CEACAM21: variants seen among roughly 807,000 people sequenced by gnomAD.
CEACAM21 encodes the protein CEA cell adhesion molecule 21.
Under a neutral mutation model 33.2 loss-of-function variants are expected in CEACAM21, and 38 were observed. The ratio of observed to expected loss-of-function variants is 1.14; its 90% CI spans 0.88 to 1.50. CEACAM21 has a LOEUF of 1.50. Among genes scored for constraint, CEACAM21 ranks in the 40% most tolerant of loss-of-function variants. CEACAM21 has a pLI of 0.00. For missense variants in CEACAM21, 385 were observed against 364.6 expected (o/e 1.06, Z -0.46); for synonymous variants, 156 against 143.0 (o/e 1.09, Z -0.65).
intron 3 of CEACAM21, among the ~76,000 whole-genome samples, chr19:41,582,057 C>T (rs1600278295): frequency 6.6e-6 from 1 of 152,342 alleles, no homozygotes; most frequent in East Asian, 1.9e-4. Flanking sequence ...TTAGTTACTT[C>T]CTAGATATAA....
intron 5 of CEACAM21, 148 bp from the exon 6 acceptor site, chr19:41,585,692 C>T (rs1377825338): frequency 2.0e-6 from 2 of 1,022,924 alleles, no homozygotes; most frequent in Admixed American, 2.1e-5. Context: ...GTCACTTCCT[C>T]AACCTCACTT....
intron 2 of CEACAM21, among the ~76,000 whole-genome samples, chr19:41,568,643 A>G (rs782539622): frequency 6.6e-6 from 1 of 152,106 alleles, no homozygotes; most frequent in Admixed American, 6.5e-5. Context: ...TCATTGATCT[A>G]TGTGCTTGTT....
Position 41,586,759 on chromosome 19 carries a change from TG to T in CEACAM21, c.*301del. The T allele has an allele frequency of 2.8e-6, 1 of 351,096 alleles. No individual in the cohort carries two copies. 21.7% of individuals were successfully genotyped at this position (351,096 alleles called of 1,614,324 possible). A position where few individuals can be genotyped will look rare whatever the true frequency, so the allele number is the denominator to read the frequency against. ...GAAGGCTTCCCATCACCACAGGAAGTGGGGGCTTGCAGGGAAAGTGAATGGG... is the reference window on the plus strand; with the variant it reads ...GAAGGCTTCCCATCACCACAGGAAGTGGGGCTTGCAGGGAAAGTGAATGGG... On this transcript the variant is annotated 3_prime_UTR_variant, in exon 7 of 7. Coordinates refer to ENST00000401445, the MANE Select transcript of CEACAM21 (RefSeq NM_001098506.4).
At chr19:41,576,728 G>T (rs1441327629) in intron 1 of CEACAM21, among the ~76,000 whole-genome samples, 1 of 152,196 alleles carries the variant, frequency 6.6e-6, no homozygotes. Context: ...GGAGTCTGCA[G>T]CCTGTCCCAG....
At chr19:41,577,074 C>A (rs2043000613) in intron 1 of CEACAM21, 126 bp from the exon 2 acceptor site, 1 of 1,059,576 alleles carries the variant, frequency 9.4e-7, no homozygotes, top group South Asian at 1.4e-5. Context: ...GACTTTGACC[C>A]AGTAGGACAC....
At chr19:41,584,273 C>T (rs984778150) in intron 3 of CEACAM21, 74 bp from the exon 4 acceptor site, 2 of 1,282,348 alleles carry the variant, frequency 1.6e-6, no homozygotes, top group Non-Finnish European at 1.1e-6. Flanking sequence ...TGACCATGCC[C>T]CTGCCCTGCA....
At chr19:41,550,705 A>T (rs2041151758) in intron 1 of CEACAM21, 1 of 152,170 alleles carries the variant, frequency 6.6e-6, no homozygotes, top group African/African-American at 2.4e-5. Flanking sequence ...CTGGAGGTGG[A>T]GGTTAATAGT....
intron 1 of CEACAM21, among the ~76,000 whole-genome samples, chr19:41,557,894 T>C (rs1392522562): frequency 6.6e-6 from 1 of 152,176 alleles, no homozygotes; most frequent in Non-Finnish European, 1.5e-5. Flanking sequence ...GTTAGAGATA[T>C]GGAAATGGGC....
At chr19:41,580,313 G>T (rs533378143) in intron 3 of CEACAM21, among the ~76,000 whole-genome samples, 2 of 152,108 alleles carry the variant, frequency 1.3e-5, no homozygotes, top group South Asian at 2.1e-4. Flanking sequence ...AATGTGATGG[G>T]GGGGGGTTTC....
At chr19:41,559,009 A>G (rs542102448) in intron 1 of CEACAM21, among the ~76,000 whole-genome samples, 1 of 152,360 alleles carries the variant, frequency 6.6e-6, no homozygotes, top group Non-Finnish European at 1.5e-5. Flanking sequence ...ACACTTTAAT[A>G]GGAGATTTGA....
Position 41,579,527 on chromosome 19 carries a change from C to T in CEACAM21, c.599C>T (p.Thr200Ile), listed in dbSNP as rs139036367. The T allele has an allele frequency of 8.5e-4, 1,370 of 1,613,298 alleles. 5 individuals are homozygous for T. Among genetic ancestry groups the T allele is most frequent in the Middle Eastern group, 4.1e-3 (25 of 6,052 alleles). The part of the protein sequence containing the change: ...MKLSWFNHVL[T>I]IDPIRQEDAG... Reference sequence around the variant, plus strand: ...CTGTCCTGGTTTAACCATGTGCTCACCATAGACCCCATCAGGCAGGAGGAC... The same window carrying T: ...CTGTCCTGGTTTAACCATGTGCTCATCATAGACCCCATCAGGCAGGAGGAC... Residue 200 changes from threonine (T) to isoleucine (I), a missense_variant, in exon 3 of 7, where the codon ACC becomes ATC. Coordinates refer to ENST00000401445, the MANE Select transcript of CEACAM21 (RefSeq NM_001098506.4).
At position 41,551,557 on chromosome 19, in the gene CEACAM21, G is replaced by T. The variant is rs569188569; in HGVS notation, c.-779+2005G>T. ...TCAATATGGAGAGAACCCGTGAAGT[G>T]GGGGAGGAGGTTTCCATGGGGTCTG... On this transcript the variant is annotated intron_variant, in intron 1 of 7. Transcript: ENST00000407170. The T allele has an allele frequency of 6.6e-5, 10 of 152,042 alleles. No homozygotes were observed. The East Asian group carries it at 1.7e-3, about 26-fold the overall frequency. The allele number at this position is 152,042 out of a possible 1,614,324, so 9.4% of individuals were successfully genotyped here.
rs560654364 is a variant in CEACAM21, at chr19:41,569,577, T to C, written c.-404+4521T>C. 2.0e-5 allele frequency among the ~76,000 whole-genome samples: 3 copies of C among 152,104 alleles called. No individual in the cohort carries two copies. In the East Asian group the frequency reaches 5.8e-4, roughly 29 times the overall value. On this transcript the variant is annotated intron_variant, in intron 2 of 7. Transcript: ENST00000407170. ...TGCAGGGAGAGGGGCTGCAGGGAGCTAGATACTGCCCCCCAAGGAGGAGGG... is the reference window on the plus strand; with the variant it reads ...TGCAGGGAGAGGGGCTGCAGGGAGCCAGATACTGCCCCCCAAGGAGGAGGG...
At position 41,560,321 on chromosome 19, in the gene CEACAM21, C is replaced by T. The variant is rs149432607; in HGVS notation, c.-778-4361C>T. On this transcript the variant is annotated intron_variant, in intron 1 of 7. Transcript: ENST00000407170. ...CGCTGCAGCCTCAAATTCCTAGGCT[C>T]AAGCAATCCTCCTGCCTCACCCTCC... 2.6e-5 allele frequency among the ~76,000 whole-genome samples: 4 copies of T among 152,194 alleles called. No homozygotes were observed. In the East Asian group the frequency reaches 5.8e-4, roughly 22 times the overall value.
At chr19:41,584,021 G>A (rs545975169) in intron 3 of CEACAM21, among the ~76,000 whole-genome samples, 11 of 152,206 alleles carry the variant, frequency 7.2e-5, no homozygotes, top group African/African-American at 2.6e-4. Flanking sequence ...TGCCCTTTAC[G>A]ACTGCCATGG....
At chr19:41,560,955 T>C (rs1425810292) in intron 1 of CEACAM21, among the ~76,000 whole-genome samples, 1 of 152,294 alleles carries the variant, frequency 6.6e-6, no homozygotes, top group South Asian at 2.1e-4. Context: ...TAGAGGGATA[T>C]TGCCTTGCAG....
intron 1 of CEACAM21, among the ~76,000 whole-genome samples, chr19:41,552,827 T>C (rs2041301692): frequency 6.6e-6 from 1 of 152,108 alleles, no homozygotes; most frequent in Non-Finnish European, 1.5e-5. Context: ...GCAACACATA[T>C]AAATAGGTTG....
intron 2 of CEACAM21, 21 bp downstream of exon 2, chr19:41,577,580 T>G (rs1555791821): frequency 6.2e-7 from 1 of 1,610,620 alleles, no homozygotes. Context: ...CCTCCGTGCC[T>G]CTGGGTGTTG....
chr19:41,570,840 A>T (rs375106738), intron 2 of CEACAM21, among the ~76,000 whole-genome samples: 1 of 152,142 alleles, frequency 6.6e-6, no homozygotes, highest in African/African-American at 2.4e-5. Context: ...GAGCAAGGAG[A>T]CCAGGAGAGC....
Sources: gnomAD v4.1 joint callset for allele counts (sites outside exome capture counted in the v4.1 genomes callset) on GRCh38, gnomAD v4.1.1 for gene constraint, MANE v1.5 for transcripts, NCBI Gene and HGNC (gene_info 2026-07-23, HGNC 2026-07-21) for gene names.